The following ATXN2 variants were observed in gnomAD, a reference collection of about 807,000 sequenced individuals.
ATXN2 encodes ataxin-2.
In ATXN2, 37 loss-of-function variants were observed where a neutral mutation model predicts 138.6. The observed-to-expected ratio is 0.27, with a 90% CI of 0.21 to 0.35. ATXN2 has a LOEUF of 0.35. Ranked by LOEUF, ATXN2 falls within the 10% of genes least tolerant of loss-of-function variation. ATXN2 has a pLI of 1.00. For missense variants in ATXN2, 1,216 were observed against 1,480.3 expected (o/e 0.82, Z 2.93); for synonymous variants, 549 against 543.7 (o/e 1.01, Z -0.13).
intron 11 of ATXN2, 46 bp from the exon 12 acceptor site, chr12:111,510,628 T>G: frequency 6.6e-7 from 1 of 1,515,566 alleles, no homozygotes; most frequent in Admixed American, 1.9e-5. Flanking sequence ...AGTTCAAATG[T>G]TACTTCCTAA....
chr12:111,484,170 T>C (rs1877471112), intron 18 of ATXN2, among the ~76,000 whole-genome samples: 2 of 152,156 alleles, frequency 1.3e-5, no homozygotes. Flanking sequence ...GGGAAATAAC[T>C]GTAGGTATAT....
At chr12:111,526,207 T>C (rs1481857796) in intron 5 of ATXN2, among the ~76,000 whole-genome samples, 1 of 150,786 alleles carries the variant, frequency 6.6e-6, no homozygotes, top group Admixed American at 6.6e-5. Context: ...AATACAAAAA[T>C]TAGTTGGGCA....
chr12:111,457,493 C>G, intron 21 of ATXN2, 134 bp from the exon 22 acceptor site: 3 of 1,003,652 alleles, frequency 3.0e-6, no homozygotes, highest in Non-Finnish European at 4.2e-6. Context: ...CTATAGATGA[C>G]TCCATTTAAA....
intron 1 of ATXN2, among the ~76,000 whole-genome samples, chr12:111,571,660 G>A (rs1240033932): frequency 6.6e-6 from 1 of 152,046 alleles, no homozygotes; most frequent in Non-Finnish European, 1.5e-5. Flanking sequence ...GTTCTATTAG[G>A]GGTCAGCAAA....
intron 14 of ATXN2, among the ~76,000 whole-genome samples, chr12:111,489,974 AGG>A (rs1430757511): frequency 2.6e-5 from 4 of 151,844 alleles, no homozygotes; most frequent in Admixed American, 2.0e-4. Context: ...AAGCCAAGGC[AGG>A]TGGATCACTT....
In ATXN2 at chr12:111,457,243, C is replaced by T. The variant is rs1875177890; in HGVS notation, c.3013G>A (p.Gly1005Arg). 6.2e-7 allele frequency: 1 copy of T among 1,614,032 alleles called. No individual in the cohort carries two copies. Among genetic ancestry groups the T allele is most frequent in the Non-Finnish European group, 8.5e-7 (1 of 1,179,944 alleles). ...PTGQQQSQHGGSHPAPSPVQH... is the reference protein window; with the variant it reads ...PTGQQQSQHGRSHPAPSPVQH... ...ACAGGACTGGGTGCAGGATGACTTC[C>T]ACCATGTTGGCTTTGCTGCTGTCCA... The change falls in exon 22 of 25, where the codon GGA (glycine) becomes AGA (arginine). Residue 1005 changes from glycine to arginine, a missense_variant. This residue lies in a region of ATXN2 where 490 missense variants were observed against 653.5 expected (regional missense o/e 0.75). Coordinates refer to ENST00000673436, the MANE Select transcript of ATXN2 (RefSeq NM_001372574.1).
chr12:111,584,377 C>CAAAAAAAAAAAAAAAAAAAAAAA (rs58678794), intron 1 of ATXN2, among the ~76,000 whole-genome samples: 1 of 44,734 alleles, frequency 2.2e-5, no homozygotes, highest in Non-Finnish European at 4.2e-5. Flanking sequence ...GACCCTGTCT[C>CAAAAAAAAAAAAAAAAAAAAAAA]AAAAAAAAAA....
intron 1 of ATXN2, among the ~76,000 whole-genome samples, chr12:111,583,470 G>C (rs769267794): frequency 1.3e-5 from 2 of 151,672 alleles, no homozygotes; most frequent in East Asian, 3.9e-4. Flanking sequence ...TTTAGTTACT[G>C]AAGAGTGAAC....
chr12:111,524,321 T>C (rs1880359048), intron 6 of ATXN2, among the ~76,000 whole-genome samples: 1 of 152,326 alleles, frequency 6.6e-6, no homozygotes, highest in South Asian at 2.1e-4. Context: ...CACAGATATG[T>C]TACAAATTCT....
intron 1 of ATXN2, among the ~76,000 whole-genome samples, chr12:111,575,034 G>C (rs774351561): frequency 1.6e-4 from 25 of 152,242 alleles, no homozygotes; most frequent in Non-Finnish European, 2.8e-4. Context: ...TGTATGCCCT[G>C]GGAGAATAAA....
intron 5 of ATXN2, among the ~76,000 whole-genome samples, chr12:111,534,093 A>G (rs1881001151): frequency 6.6e-6 from 1 of 151,708 alleles, no homozygotes; most frequent in Non-Finnish European, 1.5e-5. Flanking sequence ...TAAAAACATA[A>G]AAATATAATA....
At chr12:111,554,492 T>C (rs1053015084) in intron 2 of ATXN2, among the ~76,000 whole-genome samples, 1 of 152,214 alleles carries the variant, frequency 6.6e-6, no homozygotes, top group African/African-American at 2.4e-5. Context: ...ATATCTTACA[T>C]GTATTAAGGG....
chr12:111,594,611 T>C (rs1384623788), intron 1 of ATXN2, among the ~76,000 whole-genome samples: 2 of 152,212 alleles, frequency 1.3e-5, no homozygotes, highest in African/African-American at 4.8e-5. Context: ...CAAGCAATTC[T>C]AATGTCATAT....
In ATXN2 at chr12:111,552,541, C is replaced by G. The variant is rs1882176754; in HGVS notation, c.421-111G>C. ...CTTATATGCCTTTGACAAAAATAAT[C>G]TCAAGAGAATCATACCCTTTTTCCC... On this transcript the variant is annotated intron_variant, in intron 4 of 24. Coordinates refer to ENST00000673436, the MANE Select transcript of ATXN2 (RefSeq NM_001372574.1). This position sits in a 1 kb window ranked among gnomAD's most constrained non-coding sequence, Gnocchi z 4.1. The G allele has an allele frequency of 9.1e-7, 1 of 1,099,254 alleles. No individual in the cohort carries two copies. The highest frequency in any genetic ancestry group is 1.3e-6 in the Non-Finnish European group (1 of 792,428). The allele number at this position is 1,099,254 out of a possible 1,614,324, so 68.1% of individuals were successfully genotyped here.
intron 2 of ATXN2, among the ~76,000 whole-genome samples, chr12:111,554,534 T>C (rs1023565879): frequency 4.6e-5 from 7 of 152,180 alleles, no homozygotes; most frequent in African/African-American, 1.2e-4. Context: ...TTTGCTTCCA[T>C]AGAGAACAGA....
At chr12:111,526,348 C>G (rs371574953) in intron 5 of ATXN2, among the ~76,000 whole-genome samples, 2 of 150,080 alleles carry the variant, frequency 1.3e-5, no homozygotes, top group South Asian at 2.1e-4. Context: ...GAGTGAGACC[C>G]TGTCTCAAAA....
At chr12:111,575,141 C>G (rs1257406799) in intron 1 of ATXN2, among the ~76,000 whole-genome samples, 1 of 152,138 alleles carries the variant, frequency 6.6e-6, no homozygotes. Flanking sequence ...GCTTCTCAAA[C>G]ATACTTATTT....
At chr12:111,574,186 T>C (rs2135817935) in intron 1 of ATXN2, among the ~76,000 whole-genome samples, 1 of 151,208 alleles carries the variant, frequency 6.6e-6, no homozygotes, top group Non-Finnish European at 1.5e-5. Context: ...CGGGCACCTG[T>C]AGTCCCAGCT....
rs530606722 is a variant in ATXN2 at position 111,544,912 on chromosome 12, C to A, written c.571+7368G>T. ...CGGTGGCTCATGCCTGTAATCCCAGCACTTTGGGAGGCCGAGGCAGATGGA... is the reference window on the plus strand; with the variant it reads ...CGGTGGCTCATGCCTGTAATCCCAGAACTTTGGGAGGCCGAGGCAGATGGA... On this transcript the variant is annotated intron_variant, in intron 5 of 24. Coordinates refer to ENST00000673436, the MANE Select transcript of ATXN2 (RefSeq NM_001372574.1). 1.1e-4 allele frequency among the ~76,000 whole-genome samples: 16 copies of A among 152,252 alleles called. 1 individual carries two copies. In the South Asian group the frequency reaches 3.3e-3, roughly 32 times the overall value.
Sources: allele counts gnomAD v4.1 joint callset (sites outside exome capture counted in the v4.1 genomes callset), GRCh38; gene constraint gnomAD v4.1.1; regional missense constraint gnomAD v4.1.1; non-coding constraint Gnocchi (gnomAD v3.1); transcripts MANE v1.5; gene names NCBI Gene and HGNC (gene_info 2026-07-23, HGNC 2026-07-21).